Variants in ACSS3 observed in about 807,000 individuals in gnomAD.
The protein encoded by ACSS3 is acyl-CoA synthetase short chain family member 3.
ACSS3 carries 64 observed loss-of-function variants against 84.2 expected under a neutral mutation model. That is an observed-to-expected ratio of 0.76 (90% CI 0.62 to 0.94). The LOEUF (loss-of-function observed/expected upper bound fraction) is 0.94. Among genes scored for constraint, ACSS3 ranks in the 40% least tolerant of loss-of-function variants. The pLI is 0.00. For missense variants in ACSS3, 815 were observed against 867.6 expected (o/e 0.94, Z 0.76); for synonymous variants, 317 against 310.1 (o/e 1.02, Z -0.23).
At chr12:81,219,296 C>T (rs1330733356) in intron 10 of ACSS3, among the ~76,000 whole-genome samples, 1 of 152,090 alleles carries the variant, frequency 6.6e-6, no homozygotes, top group African/African-American at 2.4e-5. Flanking sequence ...TCCAGGAACA[C>T]AAAGAAGGGA....
intron 3 of ACSS3, among the ~76,000 whole-genome samples, chr12:81,137,363 A>ACACC (rs990972624): frequency 7.0e-5 from 10 of 142,736 alleles, no homozygotes; most frequent in African/African-American, 2.6e-4. Flanking sequence ...ACACACACAC[A>ACACC]CCCCTAATAC....
chr12:81,163,835 A>T (rs1289487081), intron 7 of ACSS3, among the ~76,000 whole-genome samples: 1 of 152,202 alleles, frequency 6.6e-6, no homozygotes, highest in Non-Finnish European at 1.5e-5. Context: ...AAACAAAGAA[A>T]ATAATTTTGT....
chr12:81,180,632 C>T lies in ACSS3; in HGVS notation c.1250+5693C>T, dbSNP rs562250767. The stretch of plus-strand genomic sequence containing the variant: ...CCAGGTTCAAGCGATTCTCCTGCCT[C>T]AGCCTCCCAAGTAGCTGGAATTACA... On this transcript the variant is annotated intron_variant, in intron 8 of 15. Coordinates refer to ENST00000548058, the MANE Select transcript of ACSS3 (RefSeq NM_024560.4). 2.1e-4 allele frequency among the ~76,000 whole-genome samples: 32 copies of T among 152,272 alleles called. No homozygotes were observed. In the South Asian group the frequency reaches 6.0e-3, roughly 29 times the overall value.
chr12:81,150,210 G>A (rs1421874760), intron 5 of ACSS3, among the ~76,000 whole-genome samples: 2 of 152,216 alleles, frequency 1.3e-5, no homozygotes, highest in South Asian at 2.1e-4. Context: ...ATAAAAATGG[G>A]TTCTAAATGC....
At chr12:81,213,969 T>C (rs1263673474) in intron 9 of ACSS3, among the ~76,000 whole-genome samples, 855 of 27,296 alleles carry the variant, frequency 0.031, 112 homozygotes, top group Non-Finnish European at 0.077. Context: ...CTTTCTTTCT[T>C]TCTTTCTTTC....
intron 8 of ACSS3, among the ~76,000 whole-genome samples, chr12:81,176,633 C>A (rs997814768): frequency 6.6e-6 from 1 of 151,638 alleles, no homozygotes; most frequent in Non-Finnish European, 1.5e-5. Flanking sequence ...AAATTGAAAC[C>A]CTTAATGAAC....
intron 1 of ACSS3, among the ~76,000 whole-genome samples, chr12:81,095,587 C>G (rs1348830469): frequency 2.0e-5 from 3 of 152,168 alleles, no homozygotes; most frequent in African/African-American, 7.2e-5. Context: ...ACCGGAGAAT[C>G]TTTAAGATCA....
At chr12:81,198,671 G>A (rs994078431) in intron 8 of ACSS3, among the ~76,000 whole-genome samples, 2 of 150,528 alleles carry the variant, frequency 1.3e-5, no homozygotes, top group Non-Finnish European at 2.9e-5. Flanking sequence ...TTCCTATTTC[G>A]TTTTTTCCAT....
intron 3 of ACSS3, among the ~76,000 whole-genome samples, chr12:81,137,793 TTG>T (rs1219210320): frequency 6.6e-6 from 1 of 151,876 alleles, no homozygotes; most frequent in Non-Finnish European, 1.5e-5. Flanking sequence ...AGAGCTATTT[TTG>T]TGAGTATTAT....
intron 8 of ACSS3, among the ~76,000 whole-genome samples, chr12:81,189,260 A>T (rs1412458707): frequency 2.6e-5 from 4 of 152,206 alleles, no homozygotes; most frequent in Admixed American, 2.6e-4. Context: ...TATAATGGTT[A>T]CATTACAGAG....
intron 9 of ACSS3, among the ~76,000 whole-genome samples, chr12:81,203,462 T>G (rs1438504174): frequency 6.6e-6 from 1 of 152,214 alleles, no homozygotes; most frequent in African/African-American, 2.4e-5. Flanking sequence ...ATTGTTGCTC[T>G]AGTGCAACTT....
intron 1 of ACSS3, among the ~76,000 whole-genome samples, chr12:81,107,555 T>TATATAA (rs1883170456): frequency 8.2e-6 from 1 of 121,240 alleles, no homozygotes; most frequent in African/African-American, 3.2e-5. Context: ...TATATATATA[T>TATATAA]ATATAAATGT....
intron 13 of ACSS3, among the ~76,000 whole-genome samples, chr12:81,252,684 T>TTC (rs1363744621): frequency 3.8e-4 from 58 of 152,298 alleles, no homozygotes; most frequent in Admixed American, 1.5e-3. Flanking sequence ...TTCAGATAGA[T>TTC]ACCAGCTTTG....
intron 8 of ACSS3, among the ~76,000 whole-genome samples, chr12:81,189,019 C>A (rs1244089749): frequency 6.6e-6 from 1 of 151,914 alleles, no homozygotes; most frequent in Admixed American, 6.6e-5. Context: ...GGAGTTATTC[C>A]CCCTATTTAA....
chr12:81,143,082 A>C, intron 4 of ACSS3, 25 bp from the exon 5 acceptor site: 2 of 1,603,798 alleles, frequency 1.2e-6, no homozygotes, highest in Non-Finnish European at 1.7e-6. Context: ...ATTACAGTAC[A>C]TATTCTTATA....
At position 81,174,817 on chromosome 12, in the gene ACSS3, C is replaced by A; in HGVS notation, c.1128C>A (p.Gly376=). 3.7e-6 allele frequency: 6 copies of A among 1,613,548 alleles called. No individual in the cohort carries two copies. Among genetic ancestry groups the A allele is most frequent in the Non-Finnish European group, 5.1e-6 (6 of 1,179,726 alleles). ...EGKPVGTPDA[G]AYFRVLAEHG... ...AGCCTGTGGGAACACCAGATGCTGG[C>A]GCTTATTTCCGTGTGCTTGCAGAGC... Residue 376 remains glycine (G), a synonymous_variant, in exon 8 of 16, where the codon GGC becomes GGA. Coordinates refer to ENST00000548058, the MANE Select transcript of ACSS3 (RefSeq NM_024560.4).
rs200705218 is a variant in ACSS3, at chr12:81,200,718, G to A, written c.1354+1274G>A. Among the ~76,000 whole-genome samples, 9 of 151,988 alleles carry A rather than the reference G, an allele frequency of 5.9e-5. No homozygotes were observed. The East Asian group carries it at 1.5e-3, about 26-fold the overall frequency. ...AGTTACAGACCAGCCTGGCCAACAT[G>A]GTGAAACCCCATCTCTACTTAAAAT... On this transcript the variant is annotated intron_variant, in intron 9 of 15. Coordinates refer to ENST00000548058, the MANE Select transcript of ACSS3 (RefSeq NM_024560.4).
At chr12:81,194,795 G>C (rs1008985683) in intron 8 of ACSS3, among the ~76,000 whole-genome samples, 1 of 151,818 alleles carries the variant, frequency 6.6e-6, no homozygotes, top group African/African-American at 2.4e-5. Flanking sequence ...GCTAATGCAT[G>C]GTTTATTATT....
At chr12:81,115,562 A>G (rs1883969494) in intron 2 of ACSS3, among the ~76,000 whole-genome samples, 1 of 151,908 alleles carries the variant, frequency 6.6e-6, no homozygotes, top group South Asian at 2.1e-4. Context: ...CAGCCTCCCA[A>G]AGTGTTAGAA....
Sources: gnomAD v4.1 joint callset for allele counts (sites outside exome capture counted in the v4.1 genomes callset) on GRCh38, gnomAD v4.1.1 for gene constraint, MANE v1.5 for transcripts, NCBI Gene and HGNC (gene_info 2026-07-23, HGNC 2026-07-21) for gene names.